WDR70: variants seen among roughly 807,000 people sequenced by gnomAD.
The protein encoded by WDR70 is WD repeat domain 70.
WDR70 carries 53 observed loss-of-function variants against 88.6 expected under a neutral mutation model. The observed-to-expected ratio is 0.60, with a 90% CI of 0.48 to 0.75. The LOEUF is 0.75. WDR70 is among the 30% of genes least tolerant of loss of function. The probability of loss-of-function intolerance (pLI) is 0.00; values close to 1 mark genes in which losing one functional copy is unlikely to be tolerated. For synonymous variants in WDR70, 280 were observed against 270.0 expected, an observed-to-expected ratio of 1.04 and a Z score of -0.36; for missense variants, 610 against 823.2, an observed-to-expected ratio of 0.74 and a Z score of 3.17.
chr5:37,584,383 AG>A (rs1157525644), intron 9 of WDR70, among the ~76,000 whole-genome samples: 1 of 152,234 alleles, frequency 6.6e-6, no homozygotes, highest in Non-Finnish European at 1.5e-5. Flanking sequence ...GATATCGAAA[AG>A]GTTCATTTTT....
chr5:37,657,302 C>T (rs937106207), intron 10 of WDR70, among the ~76,000 whole-genome samples: 7 of 152,080 alleles, frequency 4.6e-5, no homozygotes, highest in Admixed American at 3.3e-4. Context: ...TGCTCCTGCT[C>T]GCCCTCGTGG....
intron 9 of WDR70, among the ~76,000 whole-genome samples, chr5:37,582,883 A>G (rs1036509035): frequency 1.3e-5 from 2 of 152,188 alleles, no homozygotes; most frequent in Non-Finnish European, 2.9e-5. Context: ...TGTGCGTAGC[A>G]CTTCTTTAGG....
At chr5:37,726,842 CTCAT>C in intron 16 of WDR70, 37 bp from the exon 17 acceptor site, 1 of 1,556,640 alleles carries the variant, frequency 6.4e-7, no homozygotes, top group Non-Finnish European at 8.7e-7. Flanking sequence ...TATCCTCATG[CTCAT>C]TCAGTTTCTA....
intron 9 of WDR70, among the ~76,000 whole-genome samples, chr5:37,557,836 TAAAA>T (rs1742336274): frequency 6.8e-6 from 1 of 146,056 alleles, no homozygotes; most frequent in South Asian, 2.1e-4. Context: ...GACTATATAA[TAAAA>T]AATAAATTAT....
At chr5:37,506,017 G>A in intron 8 of WDR70, 2 of 1,561,056 alleles carry the variant, frequency 1.3e-6, no homozygotes, top group South Asian at 2.2e-5. Flanking sequence ...TTAGAACAGA[G>A]CATCTTGACT....
rs576759389 is a variant in WDR70, at chr5:37,428,547, T to G, written c.493-9375T>G. ...TGTACAAACTCTTCTGTGTTTGACT[T>G]ACTTTGCACAGCATAATGCTTTTGA... On this transcript the variant is annotated intron_variant, in intron 5 of 17. Transcript: ENST00000265107. Among the ~76,000 whole-genome samples the G allele has an allele frequency of 5.9e-5, 9 of 152,376 alleles. No individual in the cohort carries two copies. The South Asian group carries it at 1.7e-3, about 28-fold the overall frequency.
intron 9 of WDR70, among the ~76,000 whole-genome samples, chr5:37,594,256 C>G (rs1743629478): frequency 1.3e-5 from 2 of 152,236 alleles, no homozygotes; most frequent in South Asian, 2.1e-4. Context: ...AGGTTTTCTT[C>G]TAGGGTTTTT....
chr5:37,546,833 G>A (rs1041075790), intron 9 of WDR70, among the ~76,000 whole-genome samples: 5 of 151,956 alleles, frequency 3.3e-5, no homozygotes, highest in Non-Finnish European at 7.4e-5. Flanking sequence ...CAGGAGAATT[G>A]CCTGAACCTG....
chr5:37,529,798 A>G (rs894166831), intron 9 of WDR70, among the ~76,000 whole-genome samples: 17 of 152,198 alleles, frequency 1.1e-4, no homozygotes, highest in African/African-American at 3.1e-4. Flanking sequence ...CTCTTTATCA[A>G]TTTGGATGCC....
chr5:37,560,455 G>A (rs1300566227), intron 9 of WDR70, among the ~76,000 whole-genome samples: 1 of 152,130 alleles, frequency 6.6e-6, no homozygotes, highest in African/African-American at 2.4e-5. Flanking sequence ...TCAAATATGA[G>A]AGTCTACCTG....
intron 10 of WDR70, among the ~76,000 whole-genome samples, chr5:37,649,733 C>CTTTTTTT (rs70978834): frequency 0.049 from 3,385 of 68,688 alleles, 623 homozygotes; most frequent in African/African-American, 0.16. Flanking sequence ...GTTATTACTT[C>CTTTTTTT]TTTTTTTTTT....
intron 9 of WDR70, among the ~76,000 whole-genome samples, chr5:37,541,648 T>C (rs1418370878): frequency 6.6e-6 from 1 of 152,182 alleles, no homozygotes; most frequent in Admixed American, 6.5e-5. Context: ...TCTAATTCTT[T>C]TTTAAAAAGG....
chr5:37,535,069 G>C (rs1741621621), intron 9 of WDR70, among the ~76,000 whole-genome samples: 1 of 151,078 alleles, frequency 6.6e-6, no homozygotes, highest in South Asian at 2.1e-4. Flanking sequence ...GTGTAGATGA[G>C]TGCTGGGAGA....
chr5:37,589,597 G>A (rs74900988), intron 9 of WDR70, among the ~76,000 whole-genome samples: 7,354 of 151,290 alleles, frequency 0.049, 583 homozygotes, highest in African/African-American at 0.16. Context: ...TTTTATTTTC[G>A]GAGGCAGGGT....
chr5:37,627,550 C>T (rs1241946824), intron 10 of WDR70, among the ~76,000 whole-genome samples: 1 of 151,912 alleles, frequency 6.6e-6, no homozygotes, highest in East Asian at 1.9e-4. Context: ...TATTTTTTGG[C>T]ATAGGCATGT....
chr5:37,431,018 T>C (rs906731211), intron 5 of WDR70, among the ~76,000 whole-genome samples: 1 of 152,146 alleles, frequency 6.6e-6, no homozygotes, highest in Non-Finnish European at 1.5e-5. Flanking sequence ...CATGTCTGGC[T>C]AATTTTTGTA....
intron 9 of WDR70, among the ~76,000 whole-genome samples, chr5:37,549,277 A>G (rs1742077860): frequency 6.6e-6 from 1 of 151,912 alleles, no homozygotes; most frequent in Non-Finnish European, 1.5e-5. Context: ...AACATAGAAT[A>G]TTTTTCCATT....
intron 10 of WDR70, among the ~76,000 whole-genome samples, chr5:37,623,899 A>T (rs1463868442): frequency 6.6e-6 from 1 of 152,314 alleles, no homozygotes; most frequent in East Asian, 1.9e-4. Context: ...ATTGACAAGT[A>T]ATAATTATAC....
intron 8 of WDR70, among the ~76,000 whole-genome samples, chr5:37,497,453 T>TACC (rs1267564412): frequency 8.8e-6 from 1 of 113,572 alleles, no homozygotes; most frequent in Non-Finnish European, 1.7e-5. Flanking sequence ...CGTCTTCCCT[T>TACC]TCCTTCCGTC....
Sources: allele counts gnomAD v4.1 joint callset (sites outside exome capture counted in the v4.1 genomes callset), GRCh38; gene constraint gnomAD v4.1.1; transcripts MANE v1.5; gene names NCBI Gene and HGNC (gene_info 2026-07-23, HGNC 2026-07-21).